The following CSGALNACT1 variants were observed in gnomAD, a reference collection of about 807,000 sequenced individuals.
The protein encoded by CSGALNACT1 is chondroitin sulfate N-acetylgalactosaminyltransferase 1.
In CSGALNACT1, 52 loss-of-function variants were observed where a neutral mutation model predicts 51.0. The ratio of observed to expected loss-of-function variants is 1.02; its 90% CI spans 0.82 to 1.29. The LOEUF (loss-of-function observed/expected upper bound fraction) is 1.29. Ranked by LOEUF, CSGALNACT1 falls within the 50% of genes most tolerant of loss-of-function variation. The probability of loss-of-function intolerance (pLI) is 0.00; values close to 1 mark genes in which losing one functional copy is unlikely to be tolerated. For synonymous variants in CSGALNACT1, 341 were observed against 254.4 expected (o/e 1.34, Z -3.24); for missense variants, 935 against 679.2 (o/e 1.38, Z -4.19).
chr8:19,700,942 A>G (rs892921990), intron 1 of CSGALNACT1, among the ~76,000 whole-genome samples: 1 of 152,058 alleles, frequency 6.6e-6, no homozygotes, highest in Non-Finnish European at 1.5e-5. Context: ...TCCACTGAAA[A>G]CAGGGATAGC....
At chr8:19,423,055 G>T (rs1310746609) in intron 6 of CSGALNACT1, among the ~76,000 whole-genome samples, 1 of 152,082 alleles carries the variant, frequency 6.6e-6, no homozygotes, top group Non-Finnish European at 1.5e-5. Flanking sequence ...CCTCACTCAG[G>T]TTGCACCTGA....
chr8:19,707,831 T>C (rs575628020), intron 1 of CSGALNACT1, among the ~76,000 whole-genome samples: 23 of 152,190 alleles, frequency 1.5e-4, no homozygotes, highest in Admixed American at 3.3e-4. Context: ...TGAAACCCTG[T>C]CTCTACTAAA....
At chr8:19,720,163 GTCCT>G (rs1372262715) in intron 1 of CSGALNACT1, among the ~76,000 whole-genome samples, 1 of 152,198 alleles carries the variant, frequency 6.6e-6, no homozygotes, top group Non-Finnish European at 1.5e-5. Context: ...CACTACCCCT[GTCCT>G]TCTCCTAGCA....
intron 2 of CSGALNACT1, among the ~76,000 whole-genome samples, chr8:19,600,241 C>T (rs2050111950): frequency 6.6e-6 from 1 of 152,148 alleles, no homozygotes; most frequent in South Asian, 2.1e-4. Flanking sequence ...ACCACCATGC[C>T]TGGCTAATTT....
chr8:19,548,045 G>C lies in CSGALNACT1; in HGVS notation c.-296-41915C>G, dbSNP rs190120326. On this transcript the variant is annotated intron_variant, in intron 3 of 9. Transcript: ENST00000454498. ...TCGCTCACATTAACTCTGTGAGGTT[G>C]AAAGTCTGGAAATGTCCAAAGCTGG... 5.9e-3 allele frequency among the ~76,000 whole-genome samples: 898 copies of C among 152,310 alleles called. 5 individuals are homozygous for C. The highest frequency in any genetic ancestry group is 0.01 in the Middle Eastern group (3 of 294).
upstream of CSGALNACT1, among the ~76,000 whole-genome samples, chr8:19,687,401 G>C (rs1233489153): frequency 6.6e-6 from 1 of 152,104 alleles, no homozygotes; most frequent in African/African-American, 2.4e-5. Flanking sequence ...CTCCAAAAGA[G>C]ATGCCCCACT....
chr8:19,673,262 G>T (rs2059928264), intron 1 of CSGALNACT1, among the ~76,000 whole-genome samples: 1 of 152,214 alleles, frequency 6.6e-6, no homozygotes, highest in African/African-American at 2.4e-5. Context: ...TTGAGTATTG[G>T]TGCTACGTAA....
upstream of CSGALNACT1, among the ~76,000 whole-genome samples, chr8:19,687,142 T>C (rs1318705359): frequency 6.6e-6 from 1 of 152,080 alleles, no homozygotes; most frequent in Non-Finnish European, 1.5e-5. Flanking sequence ...TATGAGAGTG[T>C]ATTTGTGACG....
rs113475979 is a variant in CSGALNACT1, at chr8:19,727,416, C to T, written c.-297+30434G>A. ...AGGCTGGAGTGCAGTGGTATGATCA[C>T]GGCTTTCACTGCAACCTCCACCTCC... On this transcript the variant is annotated intron_variant, in intron 1 of 1. Transcript: ENST00000517494. Among the ~76,000 whole-genome samples, 697 of 152,228 alleles carry T rather than the reference C, an allele frequency of 4.6e-3. 6 individuals are homozygous for T. The highest frequency in any genetic ancestry group is 0.014 in the Middle Eastern group (4 of 294).
Position 19,750,945 on chromosome 8 carries a change from T to C in CSGALNACT1, c.-297+6905A>G, listed in dbSNP as rs373052266. The stretch of plus-strand genomic sequence containing the variant: ...GTTAAACAGAGATGTTGCTCTACAT[T>C]GCATTTTTGAGCTGCTAGAAAAAGC... On this transcript the variant is annotated intron_variant, in intron 1 of 1. Transcript: ENST00000517494. Among the ~76,000 whole-genome samples the C allele has an allele frequency of 4.6e-5, 7 of 152,280 alleles. No homozygotes were observed. In the East Asian group the frequency reaches 1.4e-3, roughly 29 times the overall value.
intron 3 of CSGALNACT1, among the ~76,000 whole-genome samples, chr8:19,543,907 T>C (rs1439499890): frequency 6.6e-6 from 1 of 152,218 alleles, no homozygotes; most frequent in East Asian, 1.9e-4. Flanking sequence ...AGTCGATCAT[T>C]AACATTTGTT....
chr8:19,670,355 T>A (rs540714604), intron 1 of CSGALNACT1, among the ~76,000 whole-genome samples: 1 of 152,308 alleles, frequency 6.6e-6, no homozygotes, highest in Admixed American at 6.5e-5. Context: ...ATCCCCTGAA[T>A]AAAAATTGTA....
intron 1 of CSGALNACT1, among the ~76,000 whole-genome samples, chr8:19,703,492 A>T (rs1350149385): frequency 6.6e-6 from 1 of 152,122 alleles, no homozygotes; most frequent in African/African-American, 2.4e-5. Flanking sequence ...TTTAGTACAG[A>T]CAGGTTTTCA....
chr8:19,422,362 C>A (rs992363166), intron 6 of CSGALNACT1, among the ~76,000 whole-genome samples: 1 of 152,068 alleles, frequency 6.6e-6, no homozygotes, highest in Non-Finnish European at 1.5e-5. Context: ...CCAGCTAATT[C>A]TTAAAAATTT....
chr8:19,505,436 C>T, exon 4 of CSGALNACT1: 4 of 1,614,234 alleles, frequency 2.5e-6, no homozygotes, highest in Non-Finnish European at 2.5e-6. Flanking sequence ...CGCCAGCATT[C>T]ACCTCTGCCT....
intron 4 of CSGALNACT1, among the ~76,000 whole-genome samples, chr8:19,468,716 C>T (rs1171428392): frequency 6.6e-6 from 1 of 152,060 alleles, no homozygotes; most frequent in Non-Finnish European, 1.5e-5. Context: ...ACTCGAGTTA[C>T]AGGTGAGACA....
chr8:19,755,476 A>AAAAAAAAAAAAAAAAAAT, intron 1 of CSGALNACT1, among the ~76,000 whole-genome samples: 1 of 147,106 alleles, frequency 6.8e-6, no homozygotes, highest in Non-Finnish European at 1.5e-5. Flanking sequence ...AAAAAAAAAA[A>AAAAAAAAAAAAAAAAAAT]AAAAAGACAA....
At chr8:19,445,464 C>T (rs149137372) in intron 5 of CSGALNACT1, among the ~76,000 whole-genome samples, 1 of 152,310 alleles carries the variant, frequency 6.6e-6, no homozygotes, top group African/African-American at 2.4e-5. Context: ...AAGACAGATG[C>T]TGTGACTAGG....
intron 8 of CSGALNACT1, among the ~76,000 whole-genome samples, chr8:19,418,166 G>T (rs1272839580): frequency 1.3e-5 from 2 of 152,184 alleles, no homozygotes. Context: ...GGGAACGGTG[G>T]CATGACGGGA....
Sources: allele counts gnomAD v4.1 joint callset (sites outside exome capture counted in the v4.1 genomes callset), GRCh38; gene constraint gnomAD v4.1.1; transcripts MANE v1.5; gene names NCBI Gene and HGNC (gene_info 2026-07-23, HGNC 2026-07-21).